The following RNF180 variants were observed in gnomAD, a reference collection of about 807,000 sequenced individuals.
RNF180 encodes ring finger protein 180, also known as E3 ubiquitin-protein ligase RNF180.
RNF180 carries 38 observed loss-of-function variants against 59.2 expected under a neutral mutation model. The observed-to-expected ratio is 0.64, with a 90% CI of 0.50 to 0.84. The LOEUF (loss-of-function observed/expected upper bound fraction) is 0.84. Among genes scored for constraint, RNF180 ranks in the 40% least tolerant of loss-of-function variants. The pLI, the probability that RNF180 is intolerant of heterozygous loss-of-function variation, is 0.00. For missense variants in RNF180, 705 were observed against 700.9 expected (o/e 1.01, Z -0.07); for synonymous variants, 262 against 240.3 (o/e 1.09, Z -0.84).
intron 1 of RNF180, among the ~76,000 whole-genome samples, chr5:64,198,693 A>C (rs755836510): frequency 7.9e-5 from 12 of 152,156 alleles, no homozygotes; most frequent in Admixed American, 5.2e-4. Context: ...CCACTGGTTA[A>C]AAGGGAGATG....
At chr5:64,319,706 G>A (rs1426373198) in intron 5 of RNF180, among the ~76,000 whole-genome samples, 1 of 152,206 alleles carries the variant, frequency 6.6e-6, no homozygotes, top group Non-Finnish European at 1.5e-5. Flanking sequence ...AAGCTCCTGA[G>A]AGTATTATCT....
At chr5:64,200,155 A>T (rs909892990) in intron 1 of RNF180, among the ~76,000 whole-genome samples, 1 of 152,140 alleles carries the variant, frequency 6.6e-6, no homozygotes, top group African/African-American at 2.4e-5. Context: ...TGTAGGCCAG[A>T]TGCAGTGGTT....
intron 5 of RNF180, among the ~76,000 whole-genome samples, chr5:64,269,968 A>C (rs1304077411): frequency 6.6e-6 from 1 of 152,050 alleles, no homozygotes; most frequent in African/African-American, 2.4e-5. Flanking sequence ...CCAGGTCTCC[A>C]TAATGCCATT....
chr5:64,349,946 T>C (rs1478617021), intron 7 of RNF180, among the ~76,000 whole-genome samples: 1 of 151,198 alleles, frequency 6.6e-6, no homozygotes, highest in Non-Finnish European at 1.5e-5. Flanking sequence ...CCTTTGGGTA[T>C]ATACCCAGTG....
In RNF180 at chr5:64,357,715, GTTTTT is replaced by G. The variant is rs1334169974; in HGVS notation, c.1580-11899_1580-11895del. 5.8e-4 allele frequency among the ~76,000 whole-genome samples: 88 copies of G among 151,730 alleles called. No homozygotes were observed. In the Admixed American group the frequency reaches 5.8e-3, roughly 10 times the overall value. On this transcript the variant is annotated intron_variant, in intron 7 of 7. Transcript: ENST00000389100. ...TTAGTGAGATAACTGTTCAGAGATA[GTTTTT>G]CTATCTCTGAAACAAGCTTCAAAAT...
chr5:64,231,027 C>T (rs564142379), intron 5 of RNF180, among the ~76,000 whole-genome samples: 34 of 152,220 alleles, frequency 2.2e-4, no homozygotes, highest in African/African-American at 7.9e-4. Context: ...AGAGCTGGAT[C>T]AAGAAAGGTA....
chr5:64,278,477 C>T (rs979468881), intron 5 of RNF180, among the ~76,000 whole-genome samples: 3 of 151,930 alleles, frequency 2.0e-5, no homozygotes, highest in African/African-American at 7.3e-5. Context: ...TAAGTCCAGA[C>T]AAGAGATTAT....
intron 5 of RNF180, among the ~76,000 whole-genome samples, chr5:64,257,977 G>T (rs1744084461): frequency 6.6e-6 from 1 of 152,190 alleles, no homozygotes; most frequent in South Asian, 2.1e-4. Flanking sequence ...GATAAAGGAA[G>T]TGATGACATC....
intron 6 of RNF180, among the ~76,000 whole-genome samples, chr5:64,328,009 A>G (rs761543584): frequency 6.6e-6 from 1 of 152,012 alleles, no homozygotes; most frequent in Non-Finnish European, 1.5e-5. Flanking sequence ...TGATTCCTTT[A>G]TTGTAATTTT....
At chr5:64,216,348 G>T (rs1158006439) in intron 4 of RNF180, among the ~76,000 whole-genome samples, 1 of 152,110 alleles carries the variant, frequency 6.6e-6, no homozygotes, top group Non-Finnish European at 1.5e-5. Flanking sequence ...TGGCATAGCT[G>T]TGCAGTTCAT....
chr5:64,320,413 C>G (rs1744285650), intron 5 of RNF180, among the ~76,000 whole-genome samples: 1 of 152,042 alleles, frequency 6.6e-6, no homozygotes, highest in Admixed American at 6.5e-5. Flanking sequence ...CCTTCACTCC[C>G]TAGGAAAACA....
At chr5:64,193,489 A>C (rs1201346395) in intron 1 of RNF180, among the ~76,000 whole-genome samples, 2 of 152,168 alleles carry the variant, frequency 1.3e-5, no homozygotes, top group Non-Finnish European at 2.9e-5. Context: ...ACATCAGTCC[A>C]TATAAAGGAT....
At chr5:64,315,734 C>CAA (rs869200360) in intron 5 of RNF180, among the ~76,000 whole-genome samples, 1,083 of 52,772 alleles carry the variant, frequency 0.021, 27 homozygotes, top group African/African-American at 0.055. Flanking sequence ...GTAACTGTCT[C>CAA]AAAAAAAAAA....
chr5:64,362,520 G>T (rs2112608043), intron 7 of RNF180, among the ~76,000 whole-genome samples: 1 of 151,906 alleles, frequency 6.6e-6, no homozygotes, highest in Non-Finnish European at 1.5e-5. Flanking sequence ...CCACGTCTTT[G>T]CTATTGTGAA....
chr5:64,322,897 T>A (rs747442147), intron 5 of RNF180, among the ~76,000 whole-genome samples: 1 of 152,048 alleles, frequency 6.6e-6, no homozygotes, highest in African/African-American at 2.4e-5. Flanking sequence ...GCTCAGGTGA[T>A]GGGTGCACCA....
In RNF180 at chr5:64,330,288, C is replaced by T. The variant is rs1051437404; in HGVS notation, c.1461C>T (p.Asn487=). 1.4e-6 allele frequency: 2 copies of T among 1,464,816 alleles called. No individual in the cohort carries two copies. Among genetic ancestry groups the T allele is most frequent in the Non-Finnish European group, 1.9e-6 (2 of 1,080,488 alleles). The allele number at this position is 1,464,816 out of a possible 1,614,324, so 90.7% of individuals were successfully genotyped here. A position where few individuals can be genotyped will look rare whatever the true frequency, so the allele number is the denominator to read the frequency against. ...ISRVFFQTEL[N]NATKTFFTKE... is the part of the protein sequence containing the mutation. Reference sequence around the variant, plus strand: ...TCTTTTGCTTTATTCTAGAATTGAACAATGCCACAAAAACTTTCTTTACTA... The same window carrying T: ...TCTTTTGCTTTATTCTAGAATTGAATAATGCCACAAAAACTTTCTTTACTA... The change falls in exon 7 of 8, where the codon AAC becomes AAT. Residue 487 remains asparagine (N), a synonymous_variant. Coordinates refer to ENST00000389100, the MANE Select transcript of RNF180 (RefSeq NM_001113561.2).
intron 5 of RNF180, among the ~76,000 whole-genome samples, chr5:64,286,406 T>C (rs1742286174): frequency 6.6e-6 from 1 of 152,182 alleles, no homozygotes; most frequent in Non-Finnish European, 1.5e-5. Flanking sequence ...ATCAATGCAC[T>C]AGCAGGCTAT....
At chr5:64,197,828 T>C (rs564109190) in intron 1 of RNF180, among the ~76,000 whole-genome samples, 10 of 152,182 alleles carry the variant, frequency 6.6e-5, no homozygotes, top group Admixed American at 2.0e-4. Flanking sequence ...GGCAGTATTG[T>C]AAGTGATAAA....
chr5:64,165,618 C>G (rs1017148531), upstream of RNF180, among the ~76,000 whole-genome samples: 5 of 152,204 alleles, frequency 3.3e-5, no homozygotes, highest in Admixed American at 3.3e-4. Flanking sequence ...GAAAAACTTT[C>G]CCACGGTTCC....
Sources: allele counts gnomAD v4.1 joint callset (sites outside exome capture counted in the v4.1 genomes callset), GRCh38; gene constraint gnomAD v4.1.1; transcripts MANE v1.5; gene names NCBI Gene and HGNC (gene_info 2026-07-23, HGNC 2026-07-21).